The following NPC1 variants were observed in gnomAD, a reference collection of about 807,000 sequenced individuals.
NPC1 encodes the protein NPC intracellular cholesterol transporter 1, also known as Niemann-Pick C1 protein.
In NPC1, 85 loss-of-function variants were observed where a neutral mutation model predicts 140.4. The observed-to-expected ratio is 0.61, with a 90% CI of 0.51 to 0.72. The LOEUF (loss-of-function observed/expected upper bound fraction) is 0.72. Among genes scored for constraint, NPC1 ranks in the 30% least tolerant of loss-of-function variants. NPC1 has a pLI of 0.00. For synonymous variants in NPC1, 656 were observed against 624.8 expected, an observed-to-expected ratio of 1.05 and a Z score of -0.74; for missense variants, 1,504 against 1,623.8, an observed-to-expected ratio of 0.93 and a Z score of 1.27.
chr18:23,512,713 A>G (rs2057895096), intron 3 of NPC1, among the ~76,000 whole-genome samples: 3 of 151,724 alleles, frequency 2.0e-5, no homozygotes, highest in South Asian at 4.2e-4. Flanking sequence ...ATTTATGGGC[A>G]TGAGCCACTG....
chr18:23,569,649 A>T (rs1248519758), intron 3 of NPC1, among the ~76,000 whole-genome samples: 1 of 152,214 alleles, frequency 6.6e-6, no homozygotes, highest in Non-Finnish European at 1.5e-5. Flanking sequence ...AAAATAAAAT[A>T]ATGAGAATTA....
chr18:23,515,717 G>C, intron 3 of NPC1: 1 of 913,510 alleles, frequency 1.1e-6, no homozygotes, highest in Non-Finnish European at 1.6e-6. Context: ...ATTTTTAGTA[G>C]AGATGGGGTT....
At chr18:23,542,388 A>G (rs551447501) in intron 14 of NPC1, among the ~76,000 whole-genome samples, 1 of 152,186 alleles carries the variant, frequency 6.6e-6, no homozygotes, top group South Asian at 2.1e-4. Flanking sequence ...ACTACCACCT[A>G]CAATGACCTT....
In NPC1 at chr18:23,573,323, A is replaced by T. The variant is rs1300947109; in HGVS notation, c.180+129T>A. On this transcript the variant is annotated intron_variant, in intron 2 of 24. Coordinates refer to ENST00000269228, the MANE Select transcript of NPC1 (RefSeq NM_000271.5). ...TGTATGCCACAGGTTAGAGTTTGAG[A>T]GTCCGGGATAAGACTTAAGCCTGTT... The T allele has an allele frequency of 2.3e-6, 3 of 1,292,520 alleles. No individual in the cohort carries two copies. The East Asian group carries it at 7.0e-5, about 30-fold the overall frequency. The allele number at this position is 1,292,520 out of a possible 1,614,324, so 80.1% of individuals were successfully genotyped here. A position where few individuals can be genotyped will look rare whatever the true frequency, so the allele number is the denominator to read the frequency against.
At chr18:23,573,793 T>C (rs150994075) in intron 1 of NPC1, among the ~76,000 whole-genome samples, 20 of 152,352 alleles carry the variant, frequency 1.3e-4, no homozygotes, top group Middle Eastern at 3.4e-3. Flanking sequence ...CTTATTTACA[T>C]AATTTCTATT....
intron 3 of NPC1, among the ~76,000 whole-genome samples, chr18:23,513,623 G>A (rs892299901): frequency 1.3e-5 from 2 of 152,218 alleles, no homozygotes; most frequent in African/African-American, 4.8e-5. Flanking sequence ...CCGCTATACT[G>A]TTTTCCATAG....
intron 3 of NPC1, among the ~76,000 whole-genome samples, chr18:23,511,543 G>A (rs530302759): frequency 1.1e-4 from 16 of 151,992 alleles, no homozygotes; most frequent in Admixed American, 6.6e-4. Context: ...CTATAATCCC[G>A]ATAAATAATT....
intron 17 of NPC1, 137 bp from the exon 18 acceptor site, chr18:23,540,138 AC>A: frequency 1.3e-6 from 1 of 772,514 alleles, no homozygotes; most frequent in Non-Finnish European, 2.2e-6. Flanking sequence ...GATTCCTAAC[AC>A]CACCAGTCTT....
downstream of NPC1, chr18:23,529,029 G>A (rs967937282): frequency 3.4e-5 from 44 of 1,280,246 alleles, no homozygotes; most frequent in African/African-American, 9.1e-5. Flanking sequence ...ACAGGCATGC[G>A]CACAGGAAAA....
Position 23,557,333 on chromosome 18 carries a change from C to T in NPC1, c.882-143G>A, listed in dbSNP as rs73967117. The T allele has an allele frequency of 4.2e-3, 2,970 of 706,412 alleles. 42 individuals carry two copies. The highest frequency in any genetic ancestry group is 0.038 in the African/African-American group (2,199 of 57,340). 43.8% of individuals were successfully genotyped at this position (706,412 alleles called of 1,614,324 possible). On this transcript the variant is annotated intron_variant, in intron 6 of 24. Transcript: ENST00000269228. Reference sequence around the variant, plus strand: ...AATTACTGCCTTCTTTCCCCTAAGTCCCCTTGCTCTGGGTCCCTCTGCTCA... The same window carrying T: ...AATTACTGCCTTCTTTCCCCTAAGTTCCCTTGCTCTGGGTCCCTCTGCTCA...
In NPC1 at chr18:23,556,314, T is replaced by C. The variant is rs772847092; in HGVS notation, c.1255A>G (p.Ile419Val). 1.2e-6 allele frequency: 2 copies of C among 1,613,946 alleles called. No homozygotes were observed. The highest frequency in any genetic ancestry group is 2.2e-5 in the South Asian group (2 of 91,070). Residue 419 changes from isoleucine to valine, a missense_variant, in exon 8 of 25, where the codon ATT (isoleucine) becomes GTT (valine). Coordinates refer to ENST00000269228, the MANE Select transcript of NPC1 (RefSeq NM_000271.5). Reference sequence around the variant, plus strand: ...GCTCCCGAAGGGTATGGCTGGTAAATGTGTTTGTCAGTGAGAGGGGCCCGG... The same window carrying C: ...GCTCCCGAAGGGTATGGCTGGTAAACGTGTTTGTCAGTGAGAGGGGCCCGG... ...IIRAPLTDKHIYQPYPSGADV... is the reference protein window; with the variant it reads ...IIRAPLTDKHVYQPYPSGADV...
intron 3 of NPC1, among the ~76,000 whole-genome samples, chr18:23,511,933 A>G (rs1333279051): frequency 3.3e-5 from 5 of 151,892 alleles, no homozygotes; most frequent in African/African-American, 7.3e-5. Context: ...CACTAGCAAT[A>G]TAGGAACTTC....
intron 4 of NPC1, among the ~76,000 whole-genome samples, chr18:23,562,626 G>A (rs1377635016): frequency 1.3e-5 from 2 of 152,062 alleles, no homozygotes; most frequent in African/African-American, 2.4e-5. Context: ...TATCATGGCT[G>A]GTAAGAAAAT....
At chr18:23,575,786 A>AAAAAAAAAAAAAAAAAAAAG (rs1567983276) in intron 1 of NPC1, among the ~76,000 whole-genome samples, 1 of 150,322 alleles carries the variant, frequency 6.7e-6, no homozygotes, top group Non-Finnish European at 1.5e-5. Context: ...AAAAAAAAAA[A>AAAAAAAAAAAAAAAAAAAAG]AAAAAAAAAA....
chr18:23,577,466 T>C lies in NPC1; in HGVS notation c.58-3892A>G, dbSNP rs1178043638. Among the ~76,000 whole-genome samples, 4 of 151,530 alleles carry C rather than the reference T, an allele frequency of 2.6e-5. No individual in the cohort carries two copies. In the East Asian group the frequency reaches 7.8e-4, roughly 30 times the overall value. ...GTGTTGATTGGTGCACTCACAAACC[T>C]TGAGCTAAACACAGGGTGCTGATTG... On this transcript the variant is annotated intron_variant, in intron 1 of 24. Transcript: ENST00000269228.
At chr18:23,515,573 C>T (rs746199836) in intron 3 of NPC1, among the ~76,000 whole-genome samples, 3 of 152,302 alleles carry the variant, frequency 2.0e-5, no homozygotes, top group South Asian at 2.1e-4. Flanking sequence ...CTGTCACTCA[C>T]GCTGGAGTGT....
chr18:23,525,565 C>G (rs1476180593), downstream of NPC1, among the ~76,000 whole-genome samples: 1 of 152,186 alleles, frequency 6.6e-6, no homozygotes, highest in Non-Finnish European at 1.5e-5. Flanking sequence ...GCTGGGATTA[C>G]AGGCATGCGC....
rs1230723964 is a variant in NPC1 at position 23,581,875 on chromosome 18, AC to A, written c.57+4411del. The A allele has an allele frequency of 3.9e-5, 6 of 152,150 alleles. No individual in the cohort carries two copies. The South Asian group carries it at 6.2e-4, about 16-fold the overall frequency. 9.4% of individuals were successfully genotyped at this position (152,150 alleles called of 1,614,324 possible). Reference sequence around the variant, plus strand: ...CTTTATTCTTATCTGAGCACTTCTTACTGTATTACCATTTTTTTATGTATCC... The same window carrying A: ...CTTTATTCTTATCTGAGCACTTCTTATGTATTACCATTTTTTTATGTATCC... On this transcript the variant is annotated intron_variant, in intron 1 of 24. Coordinates refer to ENST00000269228, the MANE Select transcript of NPC1 (RefSeq NM_000271.5).
chr18:23,507,924 G>A (rs1479951870), intron 3 of NPC1: 14 of 1,465,994 alleles, frequency 9.5e-6, no homozygotes, highest in Admixed American at 7.5e-5. Context: ...GTATGCCAAC[G>A]TAGGTTGGCA....
Sources: gnomAD v4.1 joint callset for allele counts (sites outside exome capture counted in the v4.1 genomes callset) on GRCh38, gnomAD v4.1.1 for gene constraint, MANE v1.5 for transcripts, NCBI Gene and HGNC (gene_info 2026-07-23, HGNC 2026-07-21) for gene names.